The following PRKAG2 variants were observed in gnomAD, a reference collection of about 807,000 sequenced individuals.
PRKAG2 encodes the protein 5'-AMP-activated protein kinase subunit gamma-2.
Under a neutral mutation model 69.6 loss-of-function variants are expected in PRKAG2, and 26 were observed. That is an observed-to-expected ratio of 0.37 (90% CI 0.27 to 0.52). The LOEUF (loss-of-function observed/expected upper bound fraction) is 0.52. Among genes scored for constraint, PRKAG2 ranks in the 20% least tolerant of loss-of-function variants. PRKAG2 has a pLI of 0.90. For synonymous variants in PRKAG2, 293 were observed against 285.0 expected, an observed-to-expected ratio of 1.03 and a Z score of -0.28; for missense variants, 557 against 740.0, an observed-to-expected ratio of 0.75 and a Z score of 2.87.
At chr7:151,795,810 C>T (rs182776525) in intron 1 of PRKAG2, among the ~76,000 whole-genome samples, 140 of 130,278 alleles carry the variant, frequency 1.1e-3, no homozygotes, top group Middle Eastern at 4.6e-3. Flanking sequence ...TTTCCAGTTC[C>T]GACCAACGCA....
Position 151,835,260 on chromosome 7 carries a change from G to C in PRKAG2, c.114+41247C>G, listed in dbSNP as rs1409229548. ...GGGTCAGGGTCTTGCTGTTTTCCAGGCTGGAGTGCCATGACACACACGATC... is the reference window on the plus strand; with the variant it reads ...GGGTCAGGGTCTTGCTGTTTTCCAGCCTGGAGTGCCATGACACACACGATC... On this transcript the variant is annotated intron_variant, in intron 1 of 15. Transcript: ENST00000287878. The surrounding 1 kb of genome is among the most constrained non-coding windows in gnomAD (Gnocchi z 4.1). Among the ~76,000 whole-genome samples, 2 of 152,100 alleles carry C rather than the reference G, an allele frequency of 1.3e-5. No individual in the cohort carries two copies. The highest frequency in any genetic ancestry group is 4.8e-5 in the African/African-American group (2 of 41,430).
chr7:151,640,556 C>T lies in PRKAG2; in HGVS notation c.685-8418G>A, dbSNP rs114711909. The stretch of plus-strand genomic sequence containing the variant: ...CATTCTGGCCTCCTTGTTTCTTCCT[C>T]CTTTCCTTGGCCAGTTCTTACTATT... On this transcript the variant is annotated intron_variant, in intron 4 of 15. Transcript: ENST00000287878. Among the ~76,000 whole-genome samples the T allele has an allele frequency of 5.4e-3, 819 of 152,204 alleles. 7 individuals carry two copies. Among genetic ancestry groups the T allele is most frequent in the African/African-American group, 0.018 (757 of 41,530 alleles).
chr7:151,765,018 G>A (rs148820571), intron 3 of PRKAG2, among the ~76,000 whole-genome samples: 2 of 152,346 alleles, frequency 1.3e-5, no homozygotes, highest in Non-Finnish European at 2.9e-5. Context: ...ATGGCCAGGG[G>A]GGCTTAAGCA....
intron 3 of PRKAG2, among the ~76,000 whole-genome samples, chr7:151,767,378 C>A (rs1241919629): frequency 6.6e-6 from 1 of 152,198 alleles, no homozygotes; most frequent in Admixed American, 6.5e-5. Flanking sequence ...GCAATCTCTG[C>A]CTCCCGGGTT....
At chr7:151,847,706 C>T (rs992645771) in intron 1 of PRKAG2, among the ~76,000 whole-genome samples, 2 of 152,250 alleles carry the variant, frequency 1.3e-5, no homozygotes, top group Non-Finnish European at 1.5e-5. Context: ...CCAGCCCTTG[C>T]TCCCAGCCTG....
chr7:151,664,469 C>A (rs1448255140), intron 4 of PRKAG2, among the ~76,000 whole-genome samples: 3 of 152,050 alleles, frequency 2.0e-5, no homozygotes, highest in Non-Finnish European at 4.4e-5. Flanking sequence ...CCAGCCAAGC[C>A]CTCACTCACA....
intron 4 of PRKAG2, among the ~76,000 whole-genome samples, chr7:151,651,412 T>G (rs761167032): frequency 6.6e-5 from 10 of 151,958 alleles, no homozygotes; most frequent in Non-Finnish European, 1.3e-4. Flanking sequence ...TTCGAGACCA[T>G]CCTGGCCAAC....
At chr7:151,606,329 C>T (rs1817551687) in intron 5 of PRKAG2, among the ~76,000 whole-genome samples, 1 of 152,186 alleles carries the variant, frequency 6.6e-6, no homozygotes, top group Non-Finnish European at 1.5e-5. Context: ...TTTAATGTCG[C>T]TTTTCTACTT....
chr7:151,560,047 A>T, intron 15 of PRKAG2: 1 of 985,276 alleles, frequency 1.0e-6, no homozygotes, highest in Non-Finnish European at 1.2e-6. Context: ...TCTATCTGAA[A>T]GTGAATGTGA....
intron 3 of PRKAG2, among the ~76,000 whole-genome samples, chr7:151,721,655 G>A (rs1358557297): frequency 6.6e-6 from 1 of 152,230 alleles, no homozygotes; most frequent in East Asian, 1.9e-4. Context: ...TGGCCAGGGA[G>A]CAGCAGGGTA....
Position 151,835,673 on chromosome 7 carries a change from T to A in PRKAG2, c.114+40834A>T, listed in dbSNP as rs1308006740. Among the ~76,000 whole-genome samples, 1 of 152,188 alleles carries A rather than the reference T, an allele frequency of 6.6e-6. No individual in the cohort carries two copies. The highest frequency in any genetic ancestry group is 1.5e-5 in the Non-Finnish European group (1 of 68,040). ...TGCCAGATAAGGAGAGGTTGCTGTA[T>A]GGACAGACACACAAGGAGACTGACC... On this transcript the variant is annotated intron_variant, in intron 1 of 15. Coordinates refer to ENST00000287878, the MANE Select transcript of PRKAG2 (RefSeq NM_016203.4). The surrounding 1 kb of genome is among the most constrained non-coding windows in gnomAD (Gnocchi z 4.1).
chr7:151,787,750 T>C (rs1201043164), intron 1 of PRKAG2, among the ~76,000 whole-genome samples: 1 of 152,088 alleles, frequency 6.6e-6, no homozygotes, highest in East Asian at 1.9e-4. Flanking sequence ...GTGACTGTAT[T>C]TGGAGATAGG....
At chr7:151,743,315 A>G (rs147692901) in intron 3 of PRKAG2, among the ~76,000 whole-genome samples, 112 of 152,244 alleles carry the variant, frequency 7.4e-4, no homozygotes, top group Non-Finnish European at 1.4e-3. Flanking sequence ...GGGACCAGGT[A>G]ATTCGGGTGG....
At position 151,777,876 on chromosome 7, in the gene PRKAG2, T is replaced by C. The variant is rs2076461861; in HGVS notation, c.466+3276A>G. 3.9e-5 allele frequency among the ~76,000 whole-genome samples: 6 copies of C among 152,308 alleles called. No individual in the cohort carries two copies. In the South Asian group the frequency reaches 1.0e-3, roughly 26 times the overall value. Reference sequence around the variant, plus strand: ...ACAGATTAGGATTATGGGAGGGGCCTGAACCGGGCTAACATGCAGGTGTAG... The same window carrying C: ...ACAGATTAGGATTATGGGAGGGGCCCGAACCGGGCTAACATGCAGGTGTAG... On this transcript the variant is annotated intron_variant, in intron 3 of 15. Transcript: ENST00000287878. The surrounding 1 kb of genome is among the most constrained non-coding windows in gnomAD (Gnocchi z 4.3).
rs1341496310 is a variant in PRKAG2, at chr7:151,876,526, G to A, written c.95C>T (p.Ser32Leu). The A allele has an allele frequency of 6.2e-7, 1 of 1,607,090 alleles. No individual in the cohort carries two copies. The highest frequency in any genetic ancestry group is 1.7e-5 in the Admixed American group (1 of 60,020). The change falls in exon 1 of 16, where the codon TCG becomes TTG. Residue 32 changes from serine to leucine, a missense_variant. Ser to Leu is a moderately radical substitution (Grantham distance 145). Around this residue, in one of 2 missense-constraint regions of PRKAG2, gnomAD observed 352 missense variants for 356.7 expected, o/e 0.99. Coordinates refer to ENST00000287878, the MANE Select transcript of PRKAG2 (RefSeq NM_016203.4). The part of the protein sequence containing the change: ...GKKNASQKRR[S>L]LRVHIPDLSS... ...ACTCACCGGAATGTGCACGCGCAGC[G>A]AACGCCTCTTCTGGCTGGCATTTTT...
chr7:151,749,405 G>T (rs1392656343), intron 3 of PRKAG2, among the ~76,000 whole-genome samples: 2 of 152,112 alleles, frequency 1.3e-5, no homozygotes, highest in African/African-American at 4.8e-5. Context: ...TTCAGTAAGC[G>T]TTCAGTGTCT....
At chr7:151,563,010 G>A (rs999879150) in intron 14 of PRKAG2, among the ~76,000 whole-genome samples, 1 of 151,910 alleles carries the variant, frequency 6.6e-6, no homozygotes, top group African/African-American at 2.4e-5. Context: ...AACTCTGAAG[G>A]CTAAGGGAAA....
chr7:151,598,472 G>A (rs538399623), intron 5 of PRKAG2, among the ~76,000 whole-genome samples: 5 of 152,152 alleles, frequency 3.3e-5, no homozygotes, highest in East Asian at 3.9e-4. Flanking sequence ...GAAATGATAC[G>A]TGTTTTAGGT....
chr7:151,827,767 A>C (rs1018249411), intron 1 of PRKAG2, among the ~76,000 whole-genome samples: 4 of 150,448 alleles, frequency 2.7e-5, no homozygotes, highest in Non-Finnish European at 4.4e-5. Flanking sequence ...AAAAAAAAAA[A>C]AAAAAAACTG....
Sources: allele counts gnomAD v4.1 joint callset (sites outside exome capture counted in the v4.1 genomes callset), GRCh38; gene constraint gnomAD v4.1.1; regional missense constraint gnomAD v4.1.1; non-coding constraint Gnocchi (gnomAD v3.1); transcripts MANE v1.5; gene names NCBI Gene and HGNC (gene_info 2026-07-23, HGNC 2026-07-21).